The following OR4A5 variants were observed in gnomAD, a reference collection of about 807,000 sequenced individuals.
OR4A5 encodes the protein olfactory receptor 4A5.
For synonymous variants in OR4A5, 245 were observed against 138.5 expected, an observed-to-expected ratio of 1.77 and a Z score of -5.40; for missense variants, 684 against 381.6, an observed-to-expected ratio of 1.79 and a Z score of -6.60.
In OR4A5 at chr11:54,707,101, A is replaced by C; in HGVS notation, c.217A>C (p.Thr73Pro). The C allele has an allele frequency of 6.2e-7, 1 of 1,613,624 alleles. No homozygotes were observed. The highest frequency in any genetic ancestry group is 1.1e-5 in the South Asian group (1 of 91,072). The change falls in exon 1 of 1, where the codon ACT becomes CCT. Residue 73 changes from threonine to proline, a missense_variant. Thr to Pro is a conservative substitution (Grantham distance 38). Transcript: ENST00000319760. ...GTCATTTATAGATGCTGCATATTCCACTACCATTTCTCCCAAGTTAATTGT... is the reference window on the plus strand; with the variant it reads ...GTCATTTATAGATGCTGCATATTCCCCTACCATTTCTCCCAAGTTAATTGT... ...CLSFIDAAYS[T>P]TISPKLIVGL... is the part of the protein sequence containing the mutation.
At position 54,706,950 on chromosome 11, in the gene OR4A5, A is replaced by G; in HGVS notation, c.66A>G (p.Gln22=). The G allele has an allele frequency of 6.2e-7, 1 of 1,613,020 alleles. No homozygotes were observed. The highest frequency in any genetic ancestry group is 1.1e-5 in the South Asian group (1 of 91,028). The change falls in exon 1 of 1, where the codon CAA becomes CAG. Residue 22 remains glutamine (Q), a synonymous_variant. Transcript: ENST00000319760. ...GCTTTTCTCAGGATCCTGGTGTGCA[A>G]AAAGCATTATTTGTCATGTTTTTAC... ...LLGFSQDPGV[Q]KALFVMFLLT... is the part of the protein sequence containing the mutation.
Position 54,707,234 on chromosome 11 carries a change from C to T in OR4A5, c.350C>T (p.Ala117Val), listed in dbSNP as rs560776187. Residue 117 changes from alanine (A) to valine (V), a missense_variant, in exon 1 of 1, where the codon GCC becomes GTC. By Grantham distance (64) the Ala-to-Val change is moderately conservative (BLOSUM62 0). Coordinates refer to ENST00000319760, the MANE Select transcript of OR4A5 (RefSeq NM_001005272.3). Reference sequence around the variant, plus strand: ...GAGGTCTTCCTTCTGGTGGTGATGGCCTGTGATCGCTATGTGGCCATCTGT... The same window carrying T: ...GAGGTCTTCCTTCTGGTGGTGATGGTCTGTGATCGCTATGTGGCCATCTGT... Reference protein sequence around the residue: ...GAEVFLLVVMACDRYVAICKP... With the variant: ...GAEVFLLVVMVCDRYVAICKP... 4.3e-6 allele frequency: 7 copies of T among 1,613,642 alleles called. No individual in the cohort carries two copies. The African/African-American group carries it at 5.3e-5, about 12-fold the overall frequency.
In OR4A5 at chr11:54,707,186, T is replaced by C; in HGVS notation, c.302T>C (p.Ile101Thr). Residue 101 changes from isoleucine (I) to threonine (T), a missense_variant, in exon 1 of 1, where the codon ATA (isoleucine) becomes ACA (threonine). Coordinates refer to ENST00000319760, the MANE Select transcript of OR4A5 (RefSeq NM_001005272.3). ...SFQGCMGQLF[I>T]DHFFGGAEVF... ...CAAGGTTGCATGGGCCAGCTATTTA[T>C]AGACCATTTCTTTGGTGGGGCTGAG... The C allele has an allele frequency of 6.2e-7, 1 of 1,613,794 alleles. No individual in the cohort carries two copies. The highest frequency in any genetic ancestry group is 8.5e-7 in the Non-Finnish European group (1 of 1,179,882).
rs199841520 is a variant in OR4A5 at position 54,707,072 on chromosome 11, G to A, written c.188G>A (p.Cys63Tyr). 43 of 1,613,534 alleles carry A rather than the reference G, an allele frequency of 2.7e-5. 1 individual carries two copies. The highest frequency in any genetic ancestry group is 1.3e-5 in the African/African-American group (1 of 74,882). The change falls in exon 1 of 1, where the codon TGC becomes TAC. Residue 63 changes from cysteine (C) to tyrosine (Y), a missense_variant. Transcript: ENST00000319760. ...TCCCCAATGTATTTCTTCCTTGCCT[G>A]CCTGTCATTTATAGATGCTGCATAT... is the stretch of plus-strand genomic sequence containing the variant. ...LGSPMYFFLA[C>Y]LSFIDAAYST... is the part of the protein sequence containing the mutation.
Position 54,707,301 on chromosome 11 carries a change from C to A in OR4A5, c.417C>A (p.Cys139Ter). 6.2e-7 allele frequency: 1 copy of A among 1,613,498 alleles called. No individual in the cohort carries two copies. The highest frequency in any genetic ancestry group is 8.5e-7 in the Non-Finnish European group (1 of 1,179,676). Residue 139 changes from cysteine to a stop codon, truncating the protein, a stop_gained, in exon 1 of 1, where the codon TGC becomes TGA. Coordinates refer to ENST00000319760, the MANE Select transcript of OR4A5 (RefSeq NM_001005272.3). LOFTEE classifies it low-confidence loss of function (END_TRUNC). ...HYLTIMNRQVCFLLLVVAMIG... is the reference protein window; with the variant it reads ...HYLTIMNRQV Reference sequence around the variant, plus strand: ...TGACCATCATGAATCGACAGGTTTGCTTCCTTCTGTTGGTGGTGGCCATGA... The same window carrying A: ...TGACCATCATGAATCGACAGGTTTGATTCCTTCTGTTGGTGGTGGCCATGA...
At position 54,707,332 on chromosome 11, in the gene OR4A5, G is replaced by A. The variant is rs761530066; in HGVS notation, c.448G>A (p.Gly150Ser). The A allele has an allele frequency of 2.5e-6, 4 of 1,613,710 alleles. No individual in the cohort carries two copies. Among genetic ancestry groups the A allele is most frequent in the African/African-American group, 1.3e-5 (1 of 75,012 alleles). The change falls in exon 1 of 1, where the codon GGT becomes AGT. Residue 150 changes from glycine (G) to serine (S), a missense_variant. Transcript: ENST00000319760. ...TCTGTTGGTGGTGGCCATGATTGGA[G>A]GTTTTGTACATTCTGCGTTTCAAAT... is the stretch of plus-strand genomic sequence containing the variant. ...FLLLVVAMIG[G>S]FVHSAFQIVV...
In OR4A5 at chr11:54,707,337, T is replaced by C. The variant is rs776351552; in HGVS notation, c.453T>C (p.Phe151=). The C allele has an allele frequency of 1.2e-6, 2 of 1,613,808 alleles. No individual in the cohort carries two copies. Among genetic ancestry groups the C allele is most frequent in the South Asian group, 1.1e-5 (1 of 91,086 alleles). ...LLLVVAMIGG[F]VHSAFQIVVY... ...TGGTGGTGGCCATGATTGGAGGTTTTGTACATTCTGCGTTTCAAATTGTTG... is the reference window on the plus strand; with the variant it reads ...TGGTGGTGGCCATGATTGGAGGTTTCGTACATTCTGCGTTTCAAATTGTTG... Residue 151 remains phenylalanine (F), a synonymous_variant, in exon 1 of 1, where the codon TTT becomes TTC. Coordinates refer to ENST00000319760, the MANE Select transcript of OR4A5 (RefSeq NM_001005272.3).
At position 54,707,632 on chromosome 11, in the gene OR4A5, C is replaced by A. The variant is rs376183093; in HGVS notation, c.748C>A (p.Pro250Thr). 5.0e-6 allele frequency: 8 copies of A among 1,611,266 alleles called. No homozygotes were observed. Among genetic ancestry groups the A allele is most frequent in the Admixed American group, 1.7e-5 (1 of 59,462 alleles). The change falls in exon 1 of 1, where the codon CCC (proline) becomes ACC (threonine). Residue 250 changes from proline to threonine, a missense_variant. By Grantham distance (38) the Pro-to-Thr change is conservative. Transcript: ENST00000319760. ...TACCGTTGTTGTCCTCTTTTTTGTA[C>A]CCTGTATTTTCATATATGTTAGACC... Reference protein sequence around the residue: ...GSTVVVLFFVPCIFIYVRPVS... With the variant: ...GSTVVVLFFVTCIFIYVRPVS...
At position 54,707,334 on chromosome 11, in the gene OR4A5, T is replaced by C; in HGVS notation, c.450T>C (p.Gly150=). 6.2e-7 allele frequency: 1 copy of C among 1,613,674 alleles called. No individual in the cohort carries two copies. The highest frequency in any genetic ancestry group is 8.5e-7 in the Non-Finnish European group (1 of 1,179,878). ...FLLLVVAMIG[G]FVHSAFQIVV... The stretch of plus-strand genomic sequence containing the variant: ...TGTTGGTGGTGGCCATGATTGGAGG[T>C]TTTGTACATTCTGCGTTTCAAATTG... The change falls in exon 1 of 1, where the codon GGT becomes GGC. Residue 150 remains glycine (G), a synonymous_variant. Transcript: ENST00000319760.
In OR4A5 at chr11:54,707,541, A is replaced by T. The variant is rs753641203; in HGVS notation, c.657A>T (p.Leu219=). The part of the protein sequence containing the change: ...NLLLISYGVI[L]SSLKTYSQEK... ...TGTTAATCTCCTATGGAGTCATCCTAAGCTCCCTTAAAACTTACAGTCAGG... is the reference window on the plus strand; with the variant it reads ...TGTTAATCTCCTATGGAGTCATCCTTAGCTCCCTTAAAACTTACAGTCAGG... The change falls in exon 1 of 1, where the codon CTA becomes CTT. Residue 219 remains leucine (L), a synonymous_variant. Transcript: ENST00000319760. 2.5e-5 allele frequency: 40 copies of T among 1,613,436 alleles called. No individual in the cohort carries two copies. The highest frequency in any genetic ancestry group is 1.6e-4 in the Middle Eastern group (1 of 6,076).
At position 54,706,879 on chromosome 11, in the gene OR4A5, G is replaced by A. The variant is rs749014707; in HGVS notation, c.-6G>A. ...CACCTCTGATACAAGCCTTAAAGAA[G>A]AGTAAATGAGACAGAATAACAATAT... On this transcript the variant is annotated 5_prime_UTR_variant, in exon 1 of 1. Transcript: ENST00000319760. 1.1e-5 allele frequency: 17 copies of A among 1,576,936 alleles called. No homozygotes were observed. In the Middle Eastern group the frequency reaches 5.1e-4, roughly 48 times the overall value.
chr11:54,707,874 A>T lies in OR4A5; in HGVS notation c.*42A>T. ...TCAAGGTCTTCCCAGTGAAGTTTTC[A>T]GGTTTCTAAGGGCAAGTCAAGGATC... On this transcript the variant is annotated 3_prime_UTR_variant, in exon 1 of 1. Coordinates refer to ENST00000319760, the MANE Select transcript of OR4A5 (RefSeq NM_001005272.3). 1 of 894,112 alleles carries T rather than the reference A, an allele frequency of 1.1e-6. No homozygotes were observed. 55.4% of individuals were successfully genotyped at this position (894,112 alleles called of 1,614,324 possible).
rs1326578090 is a variant in OR4A5, at chr11:54,707,731, A to G, written c.847A>G (p.Ile283Val). Residue 283 changes from isoleucine to valine, a missense_variant, in exon 1 of 1, where the codon ATA becomes GTA. Ile to Val is a conservative substitution (Grantham distance 29). Transcript: ENST00000319760. ...TATCACACACATGCTGAGTCCTTTA[A>G]TATATACGTTGAGAAATTCAGAGAT... ...TIITHMLSPL[I>V]YTLRNSEMRN... 6.3e-7 allele frequency: 1 copy of G among 1,598,826 alleles called. No homozygotes were observed. The highest frequency in any genetic ancestry group is 1.7e-5 in the Admixed American group (1 of 59,356).
rs1467530203 is a variant in OR4A5, at chr11:54,707,709, C to G, written c.825C>G (p.Ile275Met). 1 of 1,600,988 alleles carries G rather than the reference C, an allele frequency of 6.2e-7. No homozygotes were observed. Among genetic ancestry groups the G allele is most frequent in the African/African-American group, 1.3e-5 (1 of 74,566 alleles). The change falls in exon 1 of 1, where the codon ATC (isoleucine) becomes ATG (methionine). Residue 275 changes from isoleucine (I) to methionine (M), a missense_variant. Transcript: ENST00000319760. Reference protein sequence around the residue: ...DKFMTVFYTIITHMLSPLIYT... With the variant: ...DKFMTVFYTIMTHMLSPLIYT... ...TCATGACTGTGTTTTATACCATTAT[C>G]ACACACATGCTGAGTCCTTTAATAT...
In OR4A5 at chr11:54,707,001, G is replaced by A; in HGVS notation, c.117G>A (p.Gly39=). The A allele has an allele frequency of 6.2e-7, 1 of 1,613,434 alleles. No homozygotes were observed. The highest frequency in any genetic ancestry group is 8.5e-7 in the Non-Finnish European group (1 of 1,179,776). Residue 39 remains glycine, a synonymous_variant, in exon 1 of 1, where the codon GGG becomes GGA. Coordinates refer to ENST00000319760, the MANE Select transcript of OR4A5 (RefSeq NM_001005272.3). ...FLLTYLVTVV[G]NLLIVVDIIA... The stretch of plus-strand genomic sequence containing the variant: ...TCACATACTTGGTGACAGTGGTGGG[G>A]AACCTGCTCATTGTGGTGGATATTA...
rs757843370 is a variant in OR4A5 at position 54,707,739 on chromosome 11, G to A, written c.855G>A (p.Thr285=). The part of the protein sequence containing the change: ...ITHMLSPLIY[T]LRNSEMRNAI... ...ACATGCTGAGTCCTTTAATATATACGTTGAGAAATTCAGAGATGAGAAATG... is the reference window on the plus strand; with the variant it reads ...ACATGCTGAGTCCTTTAATATATACATTGAGAAATTCAGAGATGAGAAATG... Residue 285 remains threonine (T), a synonymous_variant, in exon 1 of 1, where the codon ACG becomes ACA. Coordinates refer to ENST00000319760, the MANE Select transcript of OR4A5 (RefSeq NM_001005272.3). The A allele has an allele frequency of 1.6e-5, 25 of 1,596,268 alleles. No individual in the cohort carries two copies. The highest frequency in any genetic ancestry group is 1.4e-4 in the South Asian group (13 of 89,854).
At position 54,707,332 on chromosome 11, in the gene OR4A5, G is replaced by T. The variant is rs761530066; in HGVS notation, c.448G>T (p.Gly150Cys). Residue 150 changes from glycine (G) to cysteine (C), a missense_variant, in exon 1 of 1, where the codon GGT (glycine) becomes TGT (cysteine). By Grantham distance (159) the Gly-to-Cys change is radical. Coordinates refer to ENST00000319760, the MANE Select transcript of OR4A5 (RefSeq NM_001005272.3). Reference sequence around the variant, plus strand: ...TCTGTTGGTGGTGGCCATGATTGGAGGTTTTGTACATTCTGCGTTTCAAAT... The same window carrying T: ...TCTGTTGGTGGTGGCCATGATTGGATGTTTTGTACATTCTGCGTTTCAAAT... ...FLLLVVAMIGGFVHSAFQIVV... is the reference protein window; with the variant it reads ...FLLLVVAMIGCFVHSAFQIVV... 6.2e-7 allele frequency: 1 copy of T among 1,613,592 alleles called. No homozygotes were observed. Among genetic ancestry groups the T allele is most frequent in the Non-Finnish European group, 8.5e-7 (1 of 1,179,888 alleles).
chr11:54,707,494 T>G lies in OR4A5; in HGVS notation c.610T>G (p.Cys204Gly). 1.9e-6 allele frequency: 3 copies of G among 1,613,640 alleles called. No individual in the cohort carries two copies. Residue 204 changes from cysteine to glycine, a missense_variant, in exon 1 of 1, where the codon TGT becomes GGT. Cys to Gly is a radical substitution (Grantham distance 159, BLOSUM62 -3). Transcript: ENST00000319760. ...TGTTGTTGTCAATAGTGGAGCAATC[T>G]GTATGGTCATTTTCAACCTTCTGTT... ...LTVVVNSGAICMVIFNLLLIS... is the reference protein window; with the variant it reads ...LTVVVNSGAIGMVIFNLLLIS...
chr11:54,707,754 G>T lies in OR4A5; in HGVS notation c.870G>T (p.Glu290Asp). The change falls in exon 1 of 1, where the codon GAG becomes GAT. Residue 290 changes from glutamate to aspartate, a missense_variant. Transcript: ENST00000319760. ...TAATATATACGTTGAGAAATTCAGA[G>T]ATGAGAAATGCTATAGAAAAACTCT... ...SPLIYTLRNSEMRNAIEKLLG... is the reference protein window; with the variant it reads ...SPLIYTLRNSDMRNAIEKLLG... 1 of 1,592,778 alleles carries T rather than the reference G, an allele frequency of 6.3e-7. No homozygotes were observed. Among genetic ancestry groups the T allele is most frequent in the Admixed American group, 1.7e-5 (1 of 58,242 alleles).
Sources: gnomAD v4.1 joint callset for allele counts on GRCh38, gnomAD v4.1.1 for gene constraint, MANE v1.5 for transcripts, NCBI Gene and HGNC (gene_info 2026-07-23, HGNC 2026-07-21) for gene names.